Variants in LTBP1 observed in about 807,000 individuals in gnomAD.
The protein encoded by LTBP1 is latent transforming growth factor beta binding protein 1.
Under a neutral mutation model 207.6 loss-of-function variants are expected in LTBP1, and 129 were observed. The ratio of observed to expected loss-of-function variants is 0.62; its 90% CI spans 0.54 to 0.72. The LOEUF (loss-of-function observed/expected upper bound fraction) is 0.72, where lower values mean the gene tolerates loss of function less well. Ranked by LOEUF, LTBP1 falls within the 30% of genes least tolerant of loss-of-function variation. The pLI is 0.00. For synonymous variants in LTBP1, 963 were observed against 833.7 expected, an observed-to-expected ratio of 1.16 and a Z score of -2.67; for missense variants, 2,281 against 2,217.2, an observed-to-expected ratio of 1.03 and a Z score of -0.58.
At position 33,262,904 on chromosome 2, in the gene LTBP1, T is replaced by C. The variant is rs184551722; in HGVS notation, c.2518+83T>C. On this transcript the variant is annotated intron_variant, in intron 14 of 33. Transcript: ENST00000404816. The stretch of plus-strand genomic sequence containing the variant: ...GGAAATTTTTGTCTTTGACTTTGTG[T>C]AGTAAATTACTAGACTTCATAACTG... 66 of 900,768 alleles carry C rather than the reference T, an allele frequency of 7.3e-5. No homozygotes were observed. In the East Asian group the frequency reaches 1.3e-3, roughly 17 times the overall value. 55.8% of individuals were successfully genotyped at this position (900,768 alleles called of 1,614,324 possible).
At chr2:33,050,452 A>C (rs1203321432) in intron 3 of LTBP1, among the ~76,000 whole-genome samples, 1 of 152,188 alleles carries the variant, frequency 6.6e-6, no homozygotes, top group East Asian at 1.9e-4. Flanking sequence ...TCAGATTCCA[A>C]GAAAGAGTAC....
intron 2 of LTBP1, among the ~76,000 whole-genome samples, chr2:32,968,437 A>G (rs1680322062): frequency 6.6e-6 from 1 of 152,058 alleles, no homozygotes; most frequent in Non-Finnish European, 1.5e-5. Flanking sequence ...TAACATAGCT[A>G]TTTCTGCTTT....
At chr2:33,365,612 T>C (rs1422744102) in intron 31 of LTBP1, 109 bp downstream of exon 31, 12 of 1,060,352 alleles carry the variant, frequency 1.1e-5, no homozygotes, top group Admixed American at 7.0e-5. Flanking sequence ...ACTCCTGATA[T>C]CTTACTTTCA....
intron 24 of LTBP1, among the ~76,000 whole-genome samples, chr2:33,330,456 A>G (rs886327611): frequency 7.3e-5 from 11 of 151,638 alleles, no homozygotes; most frequent in Non-Finnish European, 1.6e-4. Context: ...AGCAGCAAAG[A>G]CATTTAATAT....
At chr2:33,338,235 G>A (rs1049028013) in intron 24 of LTBP1, among the ~76,000 whole-genome samples, 2 of 151,924 alleles carry the variant, frequency 1.3e-5, no homozygotes, top group African/African-American at 4.8e-5. Flanking sequence ...AAACTTTCTC[G>A]GTTAATCACT....
chr2:33,245,414 T>G (rs1382239548), intron 10 of LTBP1, among the ~76,000 whole-genome samples: 1 of 152,244 alleles, frequency 6.6e-6, no homozygotes, highest in African/African-American at 2.4e-5. Flanking sequence ...TAGGTGAGTT[T>G]GTTGAGTCTT....
intron 20 of LTBP1, among the ~76,000 whole-genome samples, chr2:33,298,843 A>G (rs2093930666): frequency 6.6e-6 from 1 of 152,264 alleles, no homozygotes; most frequent in Non-Finnish European, 1.5e-5. Context: ...AACTCCAATT[A>G]CATTAATACT....
intron 3 of LTBP1, among the ~76,000 whole-genome samples, chr2:33,040,064 A>G (rs1361652252): frequency 6.6e-6 from 1 of 152,188 alleles, no homozygotes; most frequent in Non-Finnish European, 1.5e-5. Context: ...GGCTAGGTAG[A>G]GTAGGGCATG....
intron 3 of LTBP1, among the ~76,000 whole-genome samples, chr2:33,041,432 C>G (rs2076179892): frequency 6.6e-6 from 1 of 152,054 alleles, no homozygotes. Context: ...CTACAGGTGC[C>G]CGCCACCATG....
chr2:33,208,653 G>A (rs370842924), intron 7 of LTBP1, among the ~76,000 whole-genome samples: 2 of 152,024 alleles, frequency 1.3e-5, no homozygotes, highest in Non-Finnish European at 2.9e-5. Flanking sequence ...GCCCTGCCAC[G>A]TAGCTCCTTG....
intron 19 of LTBP1, among the ~76,000 whole-genome samples, chr2:33,285,518 G>A (rs1168922386): frequency 1.4e-5 from 2 of 142,304 alleles, no homozygotes; most frequent in South Asian, 2.2e-4. Flanking sequence ...GCGCGATCTC[G>A]GCTCACTGCA....
chr2:33,322,132 G>A (rs949034316), intron 24 of LTBP1, among the ~76,000 whole-genome samples: 1 of 65,404 alleles, frequency 1.5e-5, no homozygotes, highest in African/African-American at 8.1e-5. Context: ...CTCTTCCTAA[G>A]CCTTTTTTTT....
intron 15 of LTBP1, among the ~76,000 whole-genome samples, chr2:33,265,336 A>G (rs1315496602): frequency 6.6e-6 from 1 of 152,228 alleles, no homozygotes; most frequent in East Asian, 1.9e-4. Context: ...CAGTAATTCT[A>G]TTTTAAGACA....
chr2:33,373,918 C>T (rs996578900), intron 31 of LTBP1, among the ~76,000 whole-genome samples: 49 of 152,120 alleles, frequency 3.2e-4, no homozygotes, highest in Non-Finnish European at 6.8e-4. Context: ...TTTTTCAATC[C>T]TTCCTAATAT....
chr2:33,089,070 C>T (rs1237467483), intron 3 of LTBP1, among the ~76,000 whole-genome samples: 11 of 148,426 alleles, frequency 7.4e-5, no homozygotes, highest in Non-Finnish European at 1.2e-4. Flanking sequence ...GCAGGAGAAT[C>T]GCTTGAACCC....
At chr2:33,045,228 A>T (rs917426788) in intron 3 of LTBP1, among the ~76,000 whole-genome samples, 3 of 152,146 alleles carry the variant, frequency 2.0e-5, no homozygotes, top group Non-Finnish European at 2.9e-5. Flanking sequence ...GTTTTCTTCT[A>T]GGGTTTTTAT....
chr2:33,003,635 T>C (rs890158944), intron 2 of LTBP1, among the ~76,000 whole-genome samples: 4 of 152,146 alleles, frequency 2.6e-5, no homozygotes, highest in African/African-American at 9.7e-5. Context: ...GGCAGGGTGG[T>C]AGAGCTTCCT....
chr2:33,305,967 A>G (rs1159638489), intron 22 of LTBP1, among the ~76,000 whole-genome samples: 1 of 152,204 alleles, frequency 6.6e-6, no homozygotes, highest in Admixed American at 6.5e-5. Context: ...GAAAGATGAC[A>G]GTGATTCACT....
intron 7 of LTBP1, among the ~76,000 whole-genome samples, chr2:33,212,389 G>T (rs139760861): frequency 7.2e-4 from 110 of 152,338 alleles, no homozygotes; most frequent in African/African-American, 2.5e-3. Flanking sequence ...AAAGGAGGTG[G>T]TTAGGAGGCC....
Sources: allele counts gnomAD v4.1 joint callset (sites outside exome capture counted in the v4.1 genomes callset), GRCh38; gene constraint gnomAD v4.1.1; transcripts MANE v1.5; gene names NCBI Gene and HGNC (gene_info 2026-07-23, HGNC 2026-07-21).